NAALADL2: variants seen among roughly 807,000 people sequenced by gnomAD.
NAALADL2 encodes inactive N-acetylated-alpha-linked acidic dipeptidase-like protein 2.
NAALADL2 carries 76 observed loss-of-function variants against 87.2 expected under a neutral mutation model. The observed-to-expected ratio is 0.87, with a 90% confidence interval of 0.72 to 1.05. The LOEUF is 1.05. Ranked by LOEUF, NAALADL2 falls within the 50% of genes least tolerant of loss-of-function variation. The pLI is 0.00. For synonymous variants in NAALADL2, 354 were observed against 331.0 expected (o/e 1.07, Z -0.75); for missense variants, 1,089 against 945.8 (o/e 1.15, Z -1.99).
intron 3 of NAALADL2, among the ~76,000 whole-genome samples, chr3:174,786,775 G>C (rs927618571): frequency 6.6e-6 from 1 of 151,962 alleles, no homozygotes; most frequent in Non-Finnish European, 1.5e-5. Flanking sequence ...GTTAGATAAG[G>C]GTTATGCCCT....
intron 6 of NAALADL2, among the ~76,000 whole-genome samples, chr3:175,452,281 C>T (rs1721696876): frequency 2.0e-5 from 3 of 151,998 alleles, no homozygotes; most frequent in Non-Finnish European, 1.5e-5. Flanking sequence ...ATCCACCTAC[C>T]TATCAATTTA....
intron 11 of NAALADL2, among the ~76,000 whole-genome samples, chr3:175,629,023 T>C (rs1396522378): frequency 1.3e-5 from 2 of 150,720 alleles, no homozygotes; most frequent in Admixed American, 6.6e-5. Context: ...AGTATCTCCC[T>C]CCTTTGATCA....
chr3:175,347,401 G>A lies in NAALADL2; in HGVS notation c.1090+23076G>A, dbSNP rs533055301. ...GGGTATTTAAAACTAAATATACTGG[G>A]TCTACCCCATAAGCCTTCATATTAG... is the stretch of plus-strand genomic sequence containing the variant. On this transcript the variant is annotated intron_variant, in intron 5 of 13. Transcript: ENST00000454872. Among the ~76,000 whole-genome samples the A allele has an allele frequency of 3.6e-4, 55 of 152,208 alleles. No individual in the cohort carries two copies. In the South Asian group the frequency reaches 0.011, roughly 30 times the overall value.
At chr3:174,842,345 C>T (rs193200674) in intron 3 of NAALADL2, among the ~76,000 whole-genome samples, 2 of 152,276 alleles carry the variant, frequency 1.3e-5, no homozygotes, top group Non-Finnish European at 2.9e-5. Flanking sequence ...GCCACTGCAC[C>T]TGGCCACATT....
intron 4 of NAALADL2, among the ~76,000 whole-genome samples, chr3:175,285,690 C>T (rs1328069298): frequency 1.3e-5 from 2 of 152,202 alleles, no homozygotes; most frequent in East Asian, 3.9e-4. Context: ...AAAGCAGTTA[C>T]ATTTCAGTAT....
chr3:174,460,545 A>G (rs1577959256), intron 1 of NAALADL2, among the ~76,000 whole-genome samples: 1 of 152,102 alleles, frequency 6.6e-6, no homozygotes, highest in Admixed American at 6.5e-5. Context: ...ATAATTTACT[A>G]CCTAGAGCAG....
chr3:175,426,034 G>A (rs1164297029), intron 5 of NAALADL2, among the ~76,000 whole-genome samples: 1 of 152,126 alleles, frequency 6.6e-6, no homozygotes, highest in Non-Finnish European at 1.5e-5. Flanking sequence ...TGCTACTTCT[G>A]ATATTCAGTG....
At chr3:174,669,862 T>G (rs183316920) in intron 2 of NAALADL2, among the ~76,000 whole-genome samples, 1 of 152,066 alleles carries the variant, frequency 6.6e-6, no homozygotes, top group African/African-American at 2.4e-5. Context: ...TGCCTTCCAA[T>G]CCATGAACAC....
intron 3 of NAALADL2, among the ~76,000 whole-genome samples, chr3:174,782,752 C>T (rs1043988831): frequency 9.9e-5 from 15 of 151,880 alleles, no homozygotes; most frequent in Admixed American, 8.5e-4. Flanking sequence ...AGAGAGGTGC[C>T]GCGCAAAGGG....
At position 175,465,473 on chromosome 3, in the gene NAALADL2, C is replaced by CTTTTTTTTTTTTTTTTTTTTTTTTTT. The variant is rs71164634; in HGVS notation, c.1328-1487_1328-1486insTTTTTTTTTTTTTTTTTTTTTTTTTT. 3.5e-4 allele frequency among the ~76,000 whole-genome samples: 37 copies of CTTTTTTTTTTTTTTTTTTTTTTTTTT among 106,734 alleles called. 2 individuals are homozygous for CTTTTTTTTTTTTTTTTTTTTTTTTTT. The highest frequency in any genetic ancestry group is 2.0e-3 in the East Asian group (6 of 3,052). 70.0% of individuals were successfully genotyped at this position (106,734 alleles called of 152,430 possible). ...ACACTATGTATACCATGAATTAAAT[C>CTTTTTTTTTTTTTTTTTTTTTTTTTT]TTTTTTTTTTTTTTTTTTTGAGATG... On this transcript the variant is annotated intron_variant, in intron 7 of 13. Transcript: ENST00000454872.
chr3:174,467,596 TAAAAAAAAAAAA>T (rs58227642), intron 1 of NAALADL2, among the ~76,000 whole-genome samples: 1 of 59,588 alleles, frequency 1.7e-5, no homozygotes, highest in Non-Finnish European at 2.9e-5. Context: ...CCATCTCAGT[TAAAAAAAAAAAA>T]AAAAAAAAAA....
intron 7 of NAALADL2, among the ~76,000 whole-genome samples, chr3:175,465,014 C>G (rs1437812421): frequency 6.6e-6 from 1 of 151,998 alleles, no homozygotes; most frequent in African/African-American, 2.4e-5. Context: ...TTGAAAAAAT[C>G]GATTTTACCA....
At chr3:175,707,528 G>T (rs1430867153) in intron 11 of NAALADL2, among the ~76,000 whole-genome samples, 1 of 151,928 alleles carries the variant, frequency 6.6e-6, no homozygotes, top group Non-Finnish European at 1.5e-5. Context: ...CATCCATATT[G>T]CATAGATAAG....
chr3:175,213,025 C>T (rs931697086), intron 2 of NAALADL2, among the ~76,000 whole-genome samples: 1 of 152,002 alleles, frequency 6.6e-6, no homozygotes, highest in Non-Finnish European at 1.5e-5. Context: ...TCAGTGCAAG[C>T]CTAAAATAGA....
chr3:175,591,425 T>G (rs1280382928), intron 10 of NAALADL2, among the ~76,000 whole-genome samples: 1 of 151,858 alleles, frequency 6.6e-6, no homozygotes, highest in Admixed American at 6.6e-5. Context: ...GGAACAAATG[T>G]GGTTTGTTAA....
chr3:174,988,280 T>C (rs1746248861), intron 1 of NAALADL2, among the ~76,000 whole-genome samples: 1 of 152,152 alleles, frequency 6.6e-6, no homozygotes, highest in Admixed American at 6.5e-5. Context: ...TAAGCTTTAA[T>C]TTACCCAGGT....
intron 2 of NAALADL2, among the ~76,000 whole-genome samples, chr3:174,713,448 C>T (rs1730879520): frequency 6.6e-6 from 1 of 151,886 alleles, no homozygotes; most frequent in Non-Finnish European, 1.5e-5. Context: ...TATTTCTCCA[C>T]ATCCTCTCCA....
At chr3:174,848,775 G>A (rs3849518) in intron 3 of NAALADL2, among the ~76,000 whole-genome samples, 30,550 of 151,992 alleles carry the variant, frequency 0.2, 3,290 homozygotes, top group East Asian at 0.44. Flanking sequence ...ACTGATTTTT[G>A]TTGTTGCGTG....
intron 9 of NAALADL2, among the ~76,000 whole-genome samples, chr3:175,543,858 T>G (rs182029254): frequency 4.3e-4 from 65 of 152,184 alleles, no homozygotes; most frequent in Admixed American, 3.8e-3. Context: ...ATAAGGAACC[T>G]CTCTAAGAAG....
Sources: allele counts gnomAD v4.1 joint callset (sites outside exome capture counted in the v4.1 genomes callset), GRCh38; gene constraint gnomAD v4.1.1; transcripts MANE v1.5; gene names NCBI Gene and HGNC (gene_info 2026-07-23, HGNC 2026-07-21).